STK33: variants seen among roughly 807,000 people sequenced by gnomAD.
STK33 encodes serine/threonine kinase 33, also known as serine/threonine-protein kinase 33.
Under a neutral mutation model 58.0 loss-of-function variants are expected in STK33, and 52 were observed. That is an observed-to-expected ratio of 0.90 (90% confidence interval 0.72 to 1.13). The LOEUF (loss-of-function observed/expected upper bound fraction) is 1.13, where lower values mean the gene tolerates loss of function less well. STK33 is among the 50% of genes most tolerant of loss of function. The pLI, the probability that STK33 is intolerant of heterozygous loss-of-function variation, is 0.00. For synonymous variants in STK33, 215 were observed against 200.1 expected (o/e 1.07, Z -0.63); for missense variants, 630 against 604.2 (o/e 1.04, Z -0.45).
chr11:8,454,960 G>T, intron 9 of STK33, 128 bp from the exon 10 acceptor site: 1 of 941,110 alleles, frequency 1.1e-6, no homozygotes, highest in Non-Finnish European at 1.4e-6. Flanking sequence ...AGCATAGTCT[G>T]TCCTGTTCTA....
chr11:8,457,450 C>T lies in STK33; in HGVS notation c.588G>A (p.Glu196=). Residue 196 remains glutamate, a synonymous_variant, in exon 9 of 16, where the codon GAG becomes GAA. Transcript: ENST00000687296. ...CCAGAATTTCTTTGAGTTCTCCATC[C>T]TCACAAAGCTCCATCACAAGGTACA... ...KKMYLVMELC[E]DGELKEILDR... is the part of the protein sequence containing the mutation. 6.2e-7 allele frequency: 1 copy of T among 1,600,858 alleles called. No individual in the cohort carries two copies. The highest frequency in any genetic ancestry group is 8.5e-7 in the Non-Finnish European group (1 of 1,170,898).
chr11:8,440,790 A>T (rs1003346484), intron 11 of STK33, 37 bp from the exon 12 acceptor site: 7 of 1,526,758 alleles, frequency 4.6e-6, no homozygotes, highest in Non-Finnish European at 5.3e-6. Context: ...CATTAATAAT[A>T]CAATAAATGT....
intron 1 of STK33, among the ~76,000 whole-genome samples, chr11:8,503,534 G>C (rs936166449): frequency 6.6e-6 from 1 of 152,154 alleles, no homozygotes; most frequent in African/African-American, 2.4e-5. Flanking sequence ...TCAAACCTGA[G>C]TGACAAAACA....
chr11:8,562,704 T>C (rs1957196601), intron 1 of STK33, among the ~76,000 whole-genome samples: 1 of 152,184 alleles, frequency 6.6e-6, no homozygotes. Context: ...CTTTTCTGAA[T>C]ATCTTCTGCA....
At chr11:8,544,965 C>T (rs1036355937) in intron 1 of STK33, among the ~76,000 whole-genome samples, 1 of 152,118 alleles carries the variant, frequency 6.6e-6, no homozygotes, top group Non-Finnish European at 1.5e-5. Flanking sequence ...CAGCTAAAAC[C>T]ATGACACGGT....
At chr11:8,453,221 TAA>T (rs1375095743) in intron 10 of STK33, among the ~76,000 whole-genome samples, 8 of 152,176 alleles carry the variant, frequency 5.3e-5, no homozygotes, top group Admixed American at 2.0e-4. Context: ...CTTTTTCATA[TAA>T]AAAAGGTATT....
At chr11:8,464,970 A>G (rs1591291795) in intron 6 of STK33, 148 bp from the exon 7 acceptor site, 3 of 493,558 alleles carry the variant, frequency 6.1e-6, no homozygotes, top group Non-Finnish European at 1.1e-5. Flanking sequence ...ATTTGCTTCA[A>G]TATTAATAAA....
rs1949138815 is a variant in STK33, at chr11:8,475,053, T to C, written c.-148A>G. 1.7e-6 allele frequency: 1 copy of C among 588,404 alleles called. No homozygotes were observed. The allele number at this position is 588,404 out of a possible 1,614,324, so 36.4% of individuals were successfully genotyped here. A position where few individuals can be genotyped will look rare whatever the true frequency, so the allele number is the denominator to read the frequency against. ...AGGTTAAGGATGCACTAGACACATATTCACACGTGAGAGCTGCAGAAAGAA... is the reference window on the plus strand; with the variant it reads ...AGGTTAAGGATGCACTAGACACATACTCACACGTGAGAGCTGCAGAAAGAA... On this transcript the variant is annotated 5_prime_UTR_variant, in exon 5 of 16. Transcript: ENST00000687296.
At chr11:8,479,935 A>G (rs559737736) in intron 2 of STK33, among the ~76,000 whole-genome samples, 1 of 152,228 alleles carries the variant, frequency 6.6e-6, no homozygotes, top group Non-Finnish European at 1.5e-5. Flanking sequence ...CACTCAATGA[A>G]AATTTTTGAG....
At chr11:8,548,175 AT>A (rs1360200661) in intron 1 of STK33, among the ~76,000 whole-genome samples, 1 of 152,034 alleles carries the variant, frequency 6.6e-6, no homozygotes, top group Non-Finnish European at 1.5e-5. Context: ...AAAAAAAAAA[AT>A]CTTTGCCCAG....
At chr11:8,562,071 C>T (rs1354978690) in intron 1 of STK33, among the ~76,000 whole-genome samples, 1 of 152,108 alleles carries the variant, frequency 6.6e-6, no homozygotes, top group African/African-American at 2.4e-5. Flanking sequence ...TCTAAAAATT[C>T]TATGTTCCCC....
At chr11:8,506,617 CA>C (rs34867421) in intron 1 of STK33, among the ~76,000 whole-genome samples, 113 of 151,790 alleles carry the variant, frequency 7.4e-4, no homozygotes, top group African/African-American at 2.6e-3. Context: ...GATAATCCAG[CA>C]AAAAAATCCC....
At chr11:8,424,005 T>C (rs929098797) in intron 14 of STK33, among the ~76,000 whole-genome samples, 8 of 152,046 alleles carry the variant, frequency 5.3e-5, no homozygotes, top group Non-Finnish European at 7.4e-5. Flanking sequence ...ATTTTTATTA[T>C]ACTTTAAGTT....
the STK33 span, among the ~76,000 whole-genome samples, chr11:8,386,142 C>T: frequency 6.6e-6 from 1 of 152,176 alleles, no homozygotes; most frequent in Non-Finnish European, 1.5e-5. Flanking sequence ...TGATGCTGGT[C>T]ATCTTATACA....
intron 1 of STK33, among the ~76,000 whole-genome samples, chr11:8,500,492 T>A (rs1044864356): frequency 1.3e-5 from 2 of 152,012 alleles, no homozygotes; most frequent in Admixed American, 1.3e-4. Flanking sequence ...ATAAAAAGAA[T>A]AAATTAACAG....
intron 1 of STK33, among the ~76,000 whole-genome samples, chr11:8,514,869 CTGAGGCTCCAAACATTAAAGTTA>C: frequency 6.6e-6 from 1 of 152,276 alleles, no homozygotes; most frequent in East Asian, 1.9e-4. Flanking sequence ...AACTCACCAA[CTGAGGCTCCAAACATTAAAGTTA>C]TCAGATAGAG....
intron 1 of STK33, among the ~76,000 whole-genome samples, chr11:8,535,338 C>A (rs1261883856): frequency 6.6e-6 from 1 of 152,114 alleles, no homozygotes; most frequent in Non-Finnish European, 1.5e-5. Context: ...CCATACTATT[C>A]ATTCAACAGG....
At chr11:8,354,517 C>CACACACACACA in the STK33 span, among the ~76,000 whole-genome samples, 88 of 146,144 alleles carry the variant, frequency 6.0e-4, no homozygotes, top group Non-Finnish European at 8.5e-4. Flanking sequence ...CACACACACA[C>CACACACACACA]CCCTCAGACA....
At chr11:8,465,614 AAG>A (rs1393722874) in intron 6 of STK33, 3 of 152,182 alleles carry the variant, frequency 2.0e-5, no homozygotes, top group Non-Finnish European at 4.4e-5. Context: ...GGGAATTAAC[AAG>A]AGTTTCTGGA....
Sources: allele counts gnomAD v4.1 joint callset (sites outside exome capture counted in the v4.1 genomes callset), GRCh38; gene constraint gnomAD v4.1.1; transcripts MANE v1.5; gene names NCBI Gene and HGNC (gene_info 2026-07-23, HGNC 2026-07-21).